CHODL: variants seen among roughly 807,000 people sequenced by gnomAD.
CHODL encodes the protein chondrolectin, also known as transmembrane protein MT75.
A neutral mutation model predicts 34.5 loss-of-function variants in CHODL; 29 were observed. The observed-to-expected ratio is 0.84, with a 90% CI of 0.63 to 1.15. CHODL has a LOEUF of 1.15. CHODL is among the 50% of genes most tolerant of loss of function. The probability of loss-of-function intolerance (pLI) is 0.00; values close to 1 mark genes in which losing one functional copy is unlikely to be tolerated. For missense variants in CHODL, 332 were observed against 332.5 expected (o/e 1.00, Z 0.01); for synonymous variants, 125 against 116.1 (o/e 1.08, Z -0.49).
chr21:17,977,789 G>A (rs1287985590), intron 1 of CHODL, among the ~76,000 whole-genome samples: 5 of 149,172 alleles, frequency 3.4e-5, no homozygotes, highest in East Asian at 4.1e-4. Context: ...CATGGTGGCC[G>A]GCACCTGTAT....
At chr21:18,095,673 A>G (rs149156301) in intron 2 of CHODL, among the ~76,000 whole-genome samples, 1 of 152,180 alleles carries the variant, frequency 6.6e-6, no homozygotes, top group African/African-American at 2.4e-5. Flanking sequence ...TATTATCCTA[A>G]TACCAAAAGC....
intron 1 of CHODL, among the ~76,000 whole-genome samples, chr21:17,944,563 C>T (rs2063390424): frequency 6.6e-6 from 1 of 152,182 alleles, no homozygotes; most frequent in East Asian, 1.9e-4. Context: ...GTGTCTCCAT[C>T]TAACTTTAGG....
At chr21:18,232,074 C>T (rs1010885599) in intron 2 of CHODL, among the ~76,000 whole-genome samples, 1 of 151,982 alleles carries the variant, frequency 6.6e-6, no homozygotes, top group East Asian at 1.9e-4. Context: ...CAGACACATG[C>T]TGTCTTCAAC....
intron 2 of CHODL, among the ~76,000 whole-genome samples, chr21:18,135,436 G>A (rs1426701196): frequency 6.6e-6 from 1 of 151,848 alleles, no homozygotes; most frequent in Non-Finnish European, 1.5e-5. Flanking sequence ...TTGCTTCGAT[G>A]GAAGCAATTG....
chr21:17,974,564 C>T (rs551764693), intron 1 of CHODL, among the ~76,000 whole-genome samples: 1 of 152,190 alleles, frequency 6.6e-6, no homozygotes, highest in East Asian at 1.9e-4. Context: ...ACCACCATGC[C>T]CTGCCAGAAT....
intron 2 of CHODL, among the ~76,000 whole-genome samples, chr21:18,070,029 C>G (rs150156497): frequency 0.051 from 5,298 of 103,366 alleles, 680 homozygotes; most frequent in African/African-American, 0.18. Context: ...CTTCCCTCCC[C>G]CCCCCCACCC....
At chr21:18,002,533 C>T (rs145786927) in intron 1 of CHODL, among the ~76,000 whole-genome samples, 24 of 152,242 alleles carry the variant, frequency 1.6e-4, no homozygotes, top group Non-Finnish European at 2.9e-4. Context: ...CTGAGACATA[C>T]GAAGTATATG....
intron 1 of CHODL, among the ~76,000 whole-genome samples, chr21:18,020,243 CTG>C (rs1383713541): frequency 1.3e-5 from 2 of 152,118 alleles, no homozygotes; most frequent in African/African-American, 2.4e-5. Context: ...TAAGAGAAAA[CTG>C]TGGGTTGCTG....
At chr21:18,071,838 C>T (rs2064809227) in intron 2 of CHODL, among the ~76,000 whole-genome samples, 1 of 152,092 alleles carries the variant, frequency 6.6e-6, no homozygotes, top group Non-Finnish European at 1.5e-5. Flanking sequence ...CTTACCAATA[C>T]ATACTACAAA....
chr21:17,950,810 T>A (rs1003037497), intron 1 of CHODL, among the ~76,000 whole-genome samples: 1 of 152,180 alleles, frequency 6.6e-6, no homozygotes, highest in Non-Finnish European at 1.5e-5. Flanking sequence ...ACAGTCATTT[T>A]TTCACATGTA....
intron 2 of CHODL, among the ~76,000 whole-genome samples, chr21:18,041,858 T>C (rs1207745449): frequency 6.6e-6 from 1 of 151,926 alleles, no homozygotes; most frequent in Non-Finnish European, 1.5e-5. Flanking sequence ...GGCTTTTATA[T>C]GTGCTAAAGG....
In CHODL at chr21:17,976,270, GAAA is replaced by G. The variant is rs71318119; in HGVS notation, c.-144-51576_-144-51574del. On this transcript the variant is annotated intron_variant, in intron 1 of 6. Transcript: ENST00000400127. ...TGGGTGACACAGTGAGACCATCTCA[GAAA>G]AAAAAAAAAAAAAAAAAAAAAAAAA... Among the ~76,000 whole-genome samples, 10 of 66,520 alleles carry G rather than the reference GAAA, an allele frequency of 1.5e-4. 1 individual carries two copies. Among genetic ancestry groups the G allele is most frequent in the Admixed American group, 1.9e-4 (1 of 5,340 alleles). The allele number at this position is 66,520 out of a possible 152,430, so 43.6% of individuals were successfully genotyped here.
intron 2 of CHODL, among the ~76,000 whole-genome samples, chr21:18,123,053 G>A (rs533941900): frequency 6.6e-6 from 1 of 152,326 alleles, no homozygotes; most frequent in Admixed American, 6.5e-5. Flanking sequence ...GTCTGACTGA[G>A]CAATACAGTA....
chr21:18,156,055 C>A (rs2073030474), intron 2 of CHODL, among the ~76,000 whole-genome samples: 1 of 152,206 alleles, frequency 6.6e-6, no homozygotes, highest in Non-Finnish European at 1.5e-5. Context: ...GGGAAATTCT[C>A]TGCTGAAGTA....
In CHODL at chr21:18,257,056, G is replaced by T. The variant is rs751104061; in HGVS notation, c.476G>T (p.Gly159Val). ...CCAACTGCCAATCCTGGCCTTGGGG[G>T]TCCCTACCTTTACCAGTGGAATGAT... ...HQPTANPGLG[G>V]PYLYQWNDDR... is the part of the protein sequence containing the mutation. Residue 159 changes from glycine to valine, a missense_variant, in exon 3 of 6, where the codon GGT becomes GTT. By Grantham distance (109) the Gly-to-Val change is moderately radical. Transcript: ENST00000299295. 6.8e-6 allele frequency: 11 copies of T among 1,613,836 alleles called. No homozygotes were observed. The highest frequency in any genetic ancestry group is 3.3e-4 in the Middle Eastern group (2 of 6,080).
At chr21:18,190,984 T>G (rs1377008706) in intron 2 of CHODL, among the ~76,000 whole-genome samples, 1 of 152,126 alleles carries the variant, frequency 6.6e-6, no homozygotes, top group Non-Finnish European at 1.5e-5. Context: ...GTACAAATGG[T>G]AGGTCATCAA....
At chr21:18,204,407 T>G (rs2073689572) in intron 2 of CHODL, among the ~76,000 whole-genome samples, 1 of 152,108 alleles carries the variant, frequency 6.6e-6, no homozygotes, top group Non-Finnish European at 1.5e-5. Flanking sequence ...AAGAAACTAG[T>G]ATAACTATTG....
chr21:17,975,816 T>A (rs913780781), intron 1 of CHODL, among the ~76,000 whole-genome samples: 5 of 152,066 alleles, frequency 3.3e-5, no homozygotes, highest in Non-Finnish European at 5.9e-5. Flanking sequence ...ATACTTAAAT[T>A]GCATTATTGT....
In CHODL at chr21:18,257,089, G is replaced by T; in HGVS notation, c.509G>T (p.Cys170Phe). The T allele has an allele frequency of 6.2e-7, 1 of 1,613,494 alleles. No individual in the cohort carries two copies. Among genetic ancestry groups the T allele is most frequent in the East Asian group, 2.2e-5 (1 of 44,880 alleles). ...CTTTACCAGTGGAATGATGACAGGT[G>T]TAACATGAAGCACAATTATATTTGC... is the stretch of plus-strand genomic sequence containing the variant. ...PYLYQWNDDR[C>F]NMKHNYICKY... Residue 170 changes from cysteine to phenylalanine, a missense_variant, in exon 3 of 6, where the codon TGT becomes TTT. Coordinates refer to ENST00000299295, the MANE Select transcript of CHODL (RefSeq NM_024944.3).
Sources: allele counts gnomAD v4.1 joint callset (sites outside exome capture counted in the v4.1 genomes callset), GRCh38; gene constraint gnomAD v4.1.1; transcripts MANE v1.5; gene names NCBI Gene and HGNC (gene_info 2026-07-23, HGNC 2026-07-21).